The following DAB1 variants were observed in gnomAD, a reference collection of about 807,000 sequenced individuals.
DAB1 encodes the protein disabled homolog 1.
Under a neutral mutation model 64.6 loss-of-function variants are expected in DAB1, and 15 were observed. The ratio of observed to expected loss-of-function variants is 0.23; its 90% CI spans 0.16 to 0.36. The LOEUF is 0.36. DAB1 is among the 10% of genes least tolerant of loss of function. DAB1 has a pLI of 1.00. For synonymous variants in DAB1, 235 were observed against 251.9 expected, an observed-to-expected ratio of 0.93 and a Z score of 0.64; for missense variants, 596 against 706.7, an observed-to-expected ratio of 0.84 and a Z score of 1.78.
chr1:58,197,220 C>T (rs918127226), intron 4 of DAB1, among the ~76,000 whole-genome samples: 1 of 152,078 alleles, frequency 6.6e-6, no homozygotes, highest in Admixed American at 6.5e-5. Flanking sequence ...TATTAAACCA[C>T]AATAAACCCT....
intron 7 of DAB1, among the ~76,000 whole-genome samples, chr1:57,501,089 T>C (rs2101314864): frequency 6.6e-6 from 1 of 152,366 alleles, no homozygotes; most frequent in South Asian, 2.1e-4. Context: ...GTAGAGTCTG[T>C]TTCTAATACC....
intron 6 of DAB1, among the ~76,000 whole-genome samples, chr1:57,794,827 T>C (rs1344336516): frequency 6.6e-6 from 1 of 152,234 alleles, no homozygotes; most frequent in Non-Finnish European, 1.5e-5. Context: ...CCTAGCACTC[T>C]TCTCACCTAG....
rs1255251540 is a variant in DAB1, at chr1:58,522,654, T to C, written n.107+4607A>G. 3.3e-5 allele frequency among the ~76,000 whole-genome samples: 5 copies of C among 152,236 alleles called. 1 individual carries two copies. In the East Asian group the frequency reaches 7.7e-4, roughly 24 times the overall value. ...GCAGTCAAAAATCCACATGTAACAT[T>C]TGACTCCCCCAAAACCTAACTACTA... On this transcript the variant is annotated intron_variant and non_coding_transcript_variant, in intron 2 of 20. Coordinates refer to the DAB1 transcript ENST00000485760.
Position 57,312,239 on chromosome 1 carries a change from TAA to T in DAB1, c.-136-21075_-136-21074del, listed in dbSNP as rs140906599. ...ACTAGATGAGAGTTTAGAAATAACCTAAGTCTTTCATTTTACCACTGGGGAAA... is the reference window on the plus strand; with the variant it reads ...ACTAGATGAGAGTTTAGAAATAACCTGTCTTTCATTTTACCACTGGGGAAA... On this transcript the variant is annotated intron_variant, in intron 1 of 14. Transcript: ENST00000371236. Among the ~76,000 whole-genome samples, 45 of 152,266 alleles carry T rather than the reference TAA, an allele frequency of 3.0e-4. No homozygotes were observed. In the East Asian group the frequency reaches 5.6e-3, roughly 19 times the overall value.
chr1:57,201,598 C>T (rs1317717466), intron 2 of DAB1, among the ~76,000 whole-genome samples: 2 of 152,122 alleles, frequency 1.3e-5, no homozygotes, highest in Non-Finnish European at 2.9e-5. Flanking sequence ...CATGCAAAAA[C>T]ACACGCCAAG....
chr1:58,366,977 C>A (rs1259489574), intron 3 of DAB1, among the ~76,000 whole-genome samples: 1 of 152,134 alleles, frequency 6.6e-6, no homozygotes, highest in Non-Finnish European at 1.5e-5. Flanking sequence ...TCTTGATGAA[C>A]TTTACATCTG....
chr1:57,594,775 A>G (rs1338991793), intron 7 of DAB1, among the ~76,000 whole-genome samples: 1 of 152,188 alleles, frequency 6.6e-6, no homozygotes, highest in Non-Finnish European at 1.5e-5. Context: ...CAGTGGCGCC[A>G]TCTCGGCTCA....
chr1:58,390,728 T>C (rs1644468955), intron 3 of DAB1, among the ~76,000 whole-genome samples: 1 of 152,230 alleles, frequency 6.6e-6, no homozygotes, highest in Non-Finnish European at 1.5e-5. Context: ...TTTTGCACCA[T>C]GTCTCAGCCC....
At position 57,850,295 on chromosome 1, in the gene DAB1, GCT is replaced by G. The variant is rs1388134670; in HGVS notation, n.88-23842_88-23841del. On this transcript the variant is annotated intron_variant and non_coding_transcript_variant, in intron 1 of 1. Coordinates refer to the DAB1 transcript ENST00000477280. ...GTAAGGATTAATCAGTACCAAAGTGGCTTAGTGCCTTTCTACCTTCACATTAG... is the reference window on the plus strand; with the variant it reads ...GTAAGGATTAATCAGTACCAAAGTGGTAGTGCCTTTCTACCTTCACATTAG... Among the ~76,000 whole-genome samples the G allele has an allele frequency of 1.3e-3, 194 of 152,268 alleles. 1 individual carries two copies. Among genetic ancestry groups the G allele is most frequent in the African/African-American group, 4.6e-3 (193 of 41,554 alleles).
intron 1 of DAB1, chr1:57,867,118 T>G (rs1048428937): frequency 6.6e-6 from 1 of 152,184 alleles, no homozygotes; most frequent in African/African-American, 2.4e-5. Context: ...TGGTGTGTGA[T>G]GCTTCCATGA....
intron 7 of DAB1, among the ~76,000 whole-genome samples, chr1:57,552,370 C>T (rs1359679660): frequency 1.3e-5 from 2 of 152,164 alleles, no homozygotes; most frequent in Admixed American, 1.3e-4. Flanking sequence ...TTTCAATTAA[C>T]TCACTGTCCA....
At chr1:57,631,511 G>C (rs942719686) in intron 7 of DAB1, among the ~76,000 whole-genome samples, 1 of 152,136 alleles carries the variant, frequency 6.6e-6, no homozygotes, top group African/African-American at 2.4e-5. Flanking sequence ...TTTATGGTTT[G>C]AATATTTAAC....
At chr1:57,562,084 T>G (rs1570628749) in intron 7 of DAB1, among the ~76,000 whole-genome samples, 1 of 152,086 alleles carries the variant, frequency 6.6e-6, no homozygotes, top group Non-Finnish European at 1.5e-5. Context: ...GCAAAAGAAG[T>G]GTGGCAGGCC....
At chr1:57,555,491 G>C (rs957396713) in intron 7 of DAB1, among the ~76,000 whole-genome samples, 1 of 149,732 alleles carries the variant, frequency 6.7e-6, no homozygotes, top group Admixed American at 6.7e-5. Flanking sequence ...ACGAAATCAC[G>C]TCTGAATAAG....
At chr1:57,433,182 C>T (rs1570513585) in intron 7 of DAB1, among the ~76,000 whole-genome samples, 1 of 152,210 alleles carries the variant, frequency 6.6e-6, no homozygotes, top group South Asian at 2.1e-4. Flanking sequence ...AAATTCCTAG[C>T]ACACTTTTTG....
intron 7 of DAB1, among the ~76,000 whole-genome samples, chr1:57,431,413 T>C (rs1291589238): frequency 6.6e-6 from 1 of 152,186 alleles, no homozygotes; most frequent in Admixed American, 6.5e-5. Context: ...GCCTTGGACA[T>C]AAGTAAAATG....
chr1:58,255,935 G>A (rs1174983893), intron 4 of DAB1, among the ~76,000 whole-genome samples: 1 of 152,186 alleles, frequency 6.6e-6, no homozygotes, highest in Non-Finnish European at 1.5e-5. Context: ...AAACTAATGT[G>A]CCTAAGCTCC....
At chr1:57,188,816 T>G (rs1663849408) in intron 2 of DAB1, among the ~76,000 whole-genome samples, 1 of 152,216 alleles carries the variant, frequency 6.6e-6, no homozygotes, top group Non-Finnish European at 1.5e-5. Flanking sequence ...ACTACTTCAA[T>G]AGTTAGAGCT....
chr1:58,288,049 A>C (rs904590694), intron 4 of DAB1, among the ~76,000 whole-genome samples: 12 of 151,544 alleles, frequency 7.9e-5, no homozygotes, highest in Non-Finnish European at 1.3e-4. Flanking sequence ...AAAAAAAGAA[A>C]AAAAAGAGCA....
Sources: allele counts gnomAD v4.1 joint callset (sites outside exome capture counted in the v4.1 genomes callset), GRCh38; gene constraint gnomAD v4.1.1; transcripts MANE v1.5; gene names NCBI Gene and HGNC (gene_info 2026-07-23, HGNC 2026-07-21).